HERC1: variants seen among roughly 807,000 people sequenced by gnomAD.
HERC1 encodes HECT and RLD domain containing E3 ubiquitin protein ligase family member 1.
In HERC1, 160 loss-of-function variants were observed where a neutral mutation model predicts 554.3. The ratio of observed to expected loss-of-function variants is 0.29; its 90% CI spans 0.25 to 0.33. The LOEUF is 0.33. HERC1 is among the 10% of genes least tolerant of loss of function. The pLI is 1.00. For synonymous variants in HERC1, 2,175 were observed against 2,131.7 expected (o/e 1.02, Z -0.56); for missense variants, 4,919 against 5,918.5 (o/e 0.83, Z 5.54).
At chr15:63,689,731 G>A (rs1415490969) in intron 32 of HERC1, 32 bp from the exon 33 acceptor site, 2 of 1,287,964 alleles carry the variant, frequency 1.6e-6, no homozygotes, top group Non-Finnish European at 2.2e-6. Flanking sequence ...GATAAAATTT[G>A]TAAAAAGTAA....
intron 3 of HERC1, among the ~76,000 whole-genome samples, chr15:63,760,852 A>G (rs1349750769): frequency 6.6e-6 from 1 of 152,160 alleles, no homozygotes; most frequent in Non-Finnish European, 1.5e-5. Flanking sequence ...ATATCAACCC[A>G]GAATGAATAA....
chr15:63,636,266 T>G (rs1165165674), intron 64 of HERC1, 124 bp from the exon 65 acceptor site: 3 of 806,292 alleles, frequency 3.7e-6, no homozygotes, highest in Non-Finnish European at 5.6e-6. Context: ...TAAGAATAAT[T>G]TCATTAGTTT....
At chr15:63,696,077 T>C in intron 27 of HERC1, 47 bp downstream of exon 27, 1 of 1,369,930 alleles carries the variant, frequency 7.3e-7, no homozygotes, top group Non-Finnish European at 1.0e-6. Flanking sequence ...AAAGTGGCTT[T>C]GTAAAATGAC....
intron 1 of HERC1, among the ~76,000 whole-genome samples, chr15:63,784,970 A>G (rs927326443): frequency 2.0e-5 from 3 of 152,236 alleles, no homozygotes; most frequent in Admixed American, 6.5e-5. Context: ...CAAAACCTAA[A>G]TTTTTGGAAA....
At chr15:63,747,179 G>C in intron 11 of HERC1, 96 bp from the exon 12 acceptor site, 3 of 1,154,380 alleles carry the variant, frequency 2.6e-6, no homozygotes, top group Non-Finnish European at 3.7e-6. Flanking sequence ...AATTTTGTTG[G>C]CTAGGTGCGG....
At chr15:63,614,212 C>A (rs1026575878) in intron 76 of HERC1, among the ~76,000 whole-genome samples, 3 of 152,128 alleles carry the variant, frequency 2.0e-5, no homozygotes, top group Non-Finnish European at 4.4e-5. Context: ...TCCATCCAAC[C>A]CTCAGAAGAA....
intron 8 of HERC1, among the ~76,000 whole-genome samples, chr15:63,752,292 T>C (rs147604605): frequency 7.6e-4 from 116 of 152,312 alleles, no homozygotes; most frequent in African/African-American, 2.8e-3. Context: ...CTCCTATACA[T>C]GACAGAATAA....
At chr15:63,740,928 A>G (rs1332359081) in intron 12 of HERC1, among the ~76,000 whole-genome samples, 5 of 152,164 alleles carry the variant, frequency 3.3e-5, no homozygotes, top group Middle Eastern at 3.4e-3. Flanking sequence ...AATTTTGATG[A>G]TGTCCAATTT....
intron 53 of HERC1, 91 bp from the exon 54 acceptor site, chr15:63,650,016 C>A: frequency 1.1e-6 from 1 of 901,542 alleles, no homozygotes; most frequent in Non-Finnish European, 1.7e-6. Context: ...CTAATACACA[C>A]TCAAAGCAGT....
intron 69 of HERC1, among the ~76,000 whole-genome samples, chr15:63,629,858 CGTCA>C (rs2068469767): frequency 6.6e-6 from 1 of 152,086 alleles, no homozygotes; most frequent in African/African-American, 2.4e-5. Flanking sequence ...TAAAAGTCAC[CGTCA>C]TAGCATCTCA....
At chr15:63,764,257 AAC>A in intron 2 of HERC1, 66 bp from the exon 3 acceptor site, 1 of 1,068,898 alleles carries the variant, frequency 9.4e-7, no homozygotes, top group South Asian at 1.4e-5. Flanking sequence ...AAATTAGTTA[AAC>A]AGTCTACAAA....
chr15:63,662,433 C>T (rs2070404668), intron 44 of HERC1, among the ~76,000 whole-genome samples: 2 of 152,178 alleles, frequency 1.3e-5, no homozygotes. Context: ...AGCAGATTCT[C>T]TTTCCTGTAG....
chr15:63,634,655 T>C, intron 66 of HERC1, 78 bp downstream of exon 66: 1 of 1,244,360 alleles, frequency 8.0e-7, no homozygotes, highest in Non-Finnish European at 1.1e-6. Flanking sequence ...ATCCTGATCT[T>C]CCTGAGGGTG....
At chr15:63,684,656 T>G (rs1463515436) in intron 34 of HERC1, among the ~76,000 whole-genome samples, 1 of 152,152 alleles carries the variant, frequency 6.6e-6, no homozygotes, top group Admixed American at 6.5e-5. Flanking sequence ...GGGAGGGCAT[T>G]AATGATCTGT....
At chr15:63,630,792 A>G in intron 68 of HERC1, 157 bp from the exon 69 acceptor site, 1 of 583,066 alleles carries the variant, frequency 1.7e-6, no homozygotes, top group Non-Finnish European at 2.8e-6. Flanking sequence ...AAGGTACACC[A>G]CGTTCTGAAT....
chr15:63,812,748 A>G (rs1025558933), intron 1 of HERC1, among the ~76,000 whole-genome samples: 3 of 152,238 alleles, frequency 2.0e-5, no homozygotes, highest in African/African-American at 2.4e-5. Flanking sequence ...CAAAACGAAC[A>G]GGATCTACAT....
chr15:63,738,083 G>A lies in HERC1; in HGVS notation c.2521-3234C>T, dbSNP rs567534778. Among the ~76,000 whole-genome samples, 102 of 152,208 alleles carry A rather than the reference G, an allele frequency of 6.7e-4. 1 individual carries two copies. The highest frequency in any genetic ancestry group is 1.4e-3 in the Non-Finnish European group (92 of 68,004). On this transcript the variant is annotated intron_variant, in intron 12 of 77. Coordinates refer to ENST00000443617, the MANE Select transcript of HERC1 (RefSeq NM_003922.4). Reference sequence around the variant, plus strand: ...TAACCATGTGATTGAGGCCAACATTGTCAGTAATAAGATATATGGACATCA... The same window carrying A: ...TAACCATGTGATTGAGGCCAACATTATCAGTAATAAGATATATGGACATCA...
chr15:63,806,810 T>C (rs1369518324), intron 1 of HERC1, among the ~76,000 whole-genome samples: 1 of 152,174 alleles, frequency 6.6e-6, no homozygotes, highest in Non-Finnish European at 1.5e-5. Context: ...TGCTCTGTCA[T>C]CCAGGCTGGA....
chr15:63,695,820 C>G (rs2072378346), intron 27 of HERC1, among the ~76,000 whole-genome samples: 1 of 152,178 alleles, frequency 6.6e-6, no homozygotes, highest in Non-Finnish European at 1.5e-5. Context: ...AAAACGTAAG[C>G]TCTTGAAACC....
Sources: gnomAD v4.1 joint callset for allele counts (sites outside exome capture counted in the v4.1 genomes callset) on GRCh38, gnomAD v4.1.1 for gene constraint, MANE v1.5 for transcripts, NCBI Gene and HGNC (gene_info 2026-07-23, HGNC 2026-07-21) for gene names.